The following PEX39 variants were observed in gnomAD, a reference collection of about 807,000 sequenced individuals.
PEX39 encodes the protein peroxisomal biogenesis factor 39, also known as peroxin-39.
chr6:42,890,567 G>A, the PEX39 span: 17 of 1,608,062 alleles, frequency 1.1e-5, no homozygotes, highest in South Asian at 4.4e-5. Context: ...CTATCCTGAG[G>A]GTCGGAGGGG....
At chr6:42,890,805 T>C in the PEX39 span, 2 of 1,555,320 alleles carry the variant, frequency 1.3e-6, no homozygotes, top group Admixed American at 1.9e-5. Flanking sequence ...TCGCGAATCC[T>C]GACCGGCGTG....
the PEX39 span, chr6:42,890,435 G>C: frequency 6.8e-7 from 1 of 1,481,094 alleles, no homozygotes; most frequent in Non-Finnish European, 9.0e-7. Context: ...GGCATCCCGG[G>C]TCCTGTAGCC....
the PEX39 span, chr6:42,890,363 T>C: frequency 2.1e-6 from 2 of 935,242 alleles, no homozygotes; most frequent in Middle Eastern, 3.6e-4. Context: ...CCCATGGTGG[T>C]TGCAGGAGCA....
the PEX39 span, chr6:42,890,486 G>A: frequency 6.6e-7 from 1 of 1,516,492 alleles, no homozygotes; most frequent in South Asian, 1.3e-5. Flanking sequence ...TGGAACCTCA[G>A]GGGCCCACTG....
At chr6:42,890,577 G>C in the PEX39 span, 1 of 1,610,342 alleles carries the variant, frequency 6.2e-7, no homozygotes, top group East Asian at 2.2e-5. Context: ...GGTCGGAGGG[G>C]GAAGGGACTC....
At chr6:42,890,333 A>G in the PEX39 span, 1 of 640,486 alleles carries the variant, frequency 1.6e-6, no homozygotes, top group African/African-American at 1.9e-5. Context: ...AACATGGTCC[A>G]CAAATGTAAA....
At chr6:42,890,693 C>T in the PEX39 span, 1 of 1,612,614 alleles carries the variant, frequency 6.2e-7, no homozygotes, top group Non-Finnish European at 8.5e-7. Context: ...CCGGGAGTTC[C>T]TGGCCCTGCT....
At chr6:42,890,648 G>A in the PEX39 span, 16 of 1,612,760 alleles carry the variant, frequency 9.9e-6, no homozygotes, top group Admixed American at 1.7e-5. Flanking sequence ...CTGTGGGTTC[G>A]CCGTGGATCG....
the PEX39 span, chr6:42,890,453 C>G: frequency 1.3e-6 from 2 of 1,497,024 alleles, no homozygotes; most frequent in South Asian, 1.4e-5. Flanking sequence ...GCCACGCCCT[C>G]CAGATCGCCG....
chr6:42,890,666 G>A, the PEX39 span: 1 of 1,612,896 alleles, frequency 6.2e-7, no homozygotes, highest in Non-Finnish European at 8.5e-7. Context: ...TCGCCGCGAT[G>A]TGGCGTTTCT....
the PEX39 span, chr6:42,890,640 G>A: frequency 4.3e-6 from 7 of 1,612,664 alleles, no homozygotes; most frequent in African/African-American, 1.3e-5. Flanking sequence ...CCGGGACGCT[G>A]TGGGTTCGCC....
chr6:42,890,631 C>A, the PEX39 span: 1 of 1,612,648 alleles, frequency 6.2e-7, no homozygotes, highest in Admixed American at 1.7e-5. Flanking sequence ...CCGCGGCAGC[C>A]GGGACGCTGT....
At chr6:42,890,394 G>T in the PEX39 span, 1 of 1,315,394 alleles carries the variant, frequency 7.6e-7, no homozygotes, top group Non-Finnish European at 1.0e-6. Context: ...AGACAGGTCA[G>T]GACGAAAGCA....
At chr6:42,890,351 C>T in the PEX39 span, 1 of 787,422 alleles carries the variant, frequency 1.3e-6, no homozygotes. Flanking sequence ...AAATGCAAAA[C>T]CCCCATGGTG....
At chr6:42,890,759 C>A in the PEX39 span, 1 of 1,602,970 alleles carries the variant, frequency 6.2e-7, no homozygotes, top group Non-Finnish European at 8.5e-7. Context: ...AGGCCGGGGC[C>A]GAGCATTGGG....
chr6:42,890,307 G>C, the PEX39 span: 3 of 484,944 alleles, frequency 6.2e-6, no homozygotes, highest in Non-Finnish European at 1.1e-5. Context: ...ACTGAAACAG[G>C]ATTTTTCTTA....
the PEX39 span, chr6:42,890,386 AC>A: frequency 8.2e-7 from 1 of 1,213,146 alleles, no homozygotes; most frequent in Non-Finnish European, 1.1e-6. Flanking sequence ...TCTAGTTGAG[AC>A]AGGTCAGGAC....
chr6:42,890,505 G>A, the PEX39 span: 1,494 of 1,548,618 alleles, frequency 9.6e-4, 15 homozygotes, highest in African/African-American at 0.018. Flanking sequence ...TGTATGCCAT[G>A]AAGAAGGCGC....
the PEX39 span, chr6:42,890,684 C>G: frequency 2.5e-5 from 41 of 1,612,618 alleles, no homozygotes; most frequent in Non-Finnish European, 2.9e-5. Flanking sequence ...TCTCCAGGCC[C>G]GGGAGTTCCT....
Sources: allele counts gnomAD v4.1 joint callset, GRCh38; gene constraint gnomAD v4.1.1; transcripts MANE v1.5; gene names NCBI Gene and HGNC (gene_info 2026-07-23, HGNC 2026-07-21).